The following CHRM3 variants were observed in gnomAD, a reference collection of about 807,000 sequenced individuals.
CHRM3 encodes cholinergic receptor muscarinic 3, also known as muscarinic acetylcholine receptor M3.
In CHRM3, 11 loss-of-function variants were observed where a neutral mutation model predicts 41.8. That is an observed-to-expected ratio of 0.26 (90% CI 0.17 to 0.44). The LOEUF is 0.44. Ranked by LOEUF, CHRM3 falls within the 20% of genes least tolerant of loss-of-function variation. The pLI is 1.00. For synonymous variants in CHRM3, 297 were observed against 301.4 expected, an observed-to-expected ratio of 0.99 and a Z score of 0.15; for missense variants, 571 against 745.4, an observed-to-expected ratio of 0.77 and a Z score of 2.72.
chr1:239,584,725 A>T (rs1663243232), intron 3 of CHRM3, among the ~76,000 whole-genome samples: 1 of 152,098 alleles, frequency 6.6e-6, no homozygotes, highest in African/African-American at 2.4e-5. Flanking sequence ...TAGAGTCCAG[A>T]TTTAGCCCCC....
intron 1 of CHRM3, among the ~76,000 whole-genome samples, chr1:239,475,800 G>A (rs1158164377): frequency 1.3e-5 from 2 of 152,076 alleles, no homozygotes. Context: ...TATGTTATTA[G>A]TAACAAGTTC....
At chr1:239,709,447 C>T (rs75999137) in intron 5 of CHRM3, among the ~76,000 whole-genome samples, 6,170 of 152,210 alleles carry the variant, frequency 0.041, 475 homozygotes, top group African/African-American at 0.14. Flanking sequence ...GCCAATGTTA[C>T]CTTATAAATT....
intron 1 of CHRM3, among the ~76,000 whole-genome samples, chr1:239,429,817 A>T (rs1572267623): frequency 7.0e-6 from 1 of 142,432 alleles, no homozygotes; most frequent in Non-Finnish European, 1.5e-5. Context: ...CTAACATCTC[A>T]TTAGTAATTC....
At chr1:239,413,364 G>T (rs993725484) in intron 1 of CHRM3, among the ~76,000 whole-genome samples, 1 of 152,048 alleles carries the variant, frequency 6.6e-6, no homozygotes, top group Non-Finnish European at 1.5e-5. Flanking sequence ...ATCTTAGCTC[G>T]CTGCAACCTC....
In CHRM3 at chr1:239,547,367, G is replaced by T. The variant is rs190523833; in HGVS notation, c.-313+1618G>T. ...AAAAGAGATCTATCTGATTGCATAG[G>T]CTTGTTGTATGGATTACATGAGTTA... On this transcript the variant is annotated intron_variant, in intron 3 of 6. Transcript: ENST00000676153. 5.3e-5 allele frequency among the ~76,000 whole-genome samples: 8 copies of T among 152,254 alleles called. No homozygotes were observed. The East Asian group carries it at 1.5e-3, about 29-fold the overall frequency.
intron 6 of CHRM3, among the ~76,000 whole-genome samples, chr1:239,833,256 T>C (rs1673040847): frequency 6.6e-6 from 1 of 152,174 alleles, no homozygotes; most frequent in South Asian, 2.1e-4. Context: ...CAAGTTTATA[T>C]ACTTCAACTC....
At chr1:239,471,112 G>T (rs554747795) in intron 1 of CHRM3, among the ~76,000 whole-genome samples, 3 of 152,118 alleles carry the variant, frequency 2.0e-5, no homozygotes. Context: ...CTCTTAAATA[G>T]TTCTAAGAAA....
At chr1:239,843,447 CTTTTTTTTTTTTTT>C (rs34901177) in intron 6 of CHRM3, among the ~76,000 whole-genome samples, 1 of 81,226 alleles carries the variant, frequency 1.2e-5, no homozygotes, top group Non-Finnish European at 2.3e-5. Context: ...ACTCGCTTTC[CTTTTTTTTTTTTTT>C]TTTTTTTTTG....
chr1:239,872,425 G>A (rs957596043), intron 6 of CHRM3, among the ~76,000 whole-genome samples: 1 of 152,104 alleles, frequency 6.6e-6, no homozygotes, highest in Non-Finnish European at 1.5e-5. Context: ...CCAGAAAGAG[G>A]AGTAGCTATC....
chr1:239,718,702 A>G (rs575299751), intron 5 of CHRM3: 1 of 152,108 alleles, frequency 6.6e-6, no homozygotes, highest in African/African-American at 2.4e-5. Flanking sequence ...GATTGAAGAA[A>G]ACACAAGGAA....
At chr1:239,400,579 T>A (rs1659883387) in intron 1 of CHRM3, among the ~76,000 whole-genome samples, 1 of 152,206 alleles carries the variant, frequency 6.6e-6, no homozygotes, top group Non-Finnish European at 1.5e-5. Flanking sequence ...GGTTTCAGAG[T>A]TTTGGGCCTT....
rs58433814 is a variant in CHRM3, at chr1:239,531,639, A to ATTTTTTTTTTT, written c.-421-13975_-421-13965dup. Among the ~76,000 whole-genome samples the ATTTTTTTTTTT allele has an allele frequency of 2.1e-4, 12 of 55,900 alleles. 3 individuals carry two copies. The highest frequency in any genetic ancestry group is 7.1e-4 in the African/African-American group (8 of 11,330). The allele number at this position is 55,900 out of a possible 152,430, so 36.7% of individuals were successfully genotyped here. ...ATAAAAACTAATCTCTCTAGAATGG[A>ATTTTTTTTTTT]TTTTTTTTTTTTTTTTTTTTTTTTT... On this transcript the variant is annotated intron_variant, in intron 2 of 6. Coordinates refer to ENST00000676153, the MANE Select transcript of CHRM3 (RefSeq NM_001375978.1).
intron 1 of CHRM3, among the ~76,000 whole-genome samples, chr1:239,439,616 A>G (rs1168597094): frequency 6.6e-6 from 1 of 152,216 alleles, no homozygotes; most frequent in African/African-American, 2.4e-5. Context: ...AAAGCAATCA[A>G]CCAATCTACT....
At chr1:239,413,567 C>A (rs139654960) in intron 1 of CHRM3, among the ~76,000 whole-genome samples, 1 of 152,138 alleles carries the variant, frequency 6.6e-6, no homozygotes, top group Non-Finnish European at 1.5e-5. Context: ...GGATTACAGG[C>A]GTGAGCCACC....
intron 1 of CHRM3, among the ~76,000 whole-genome samples, chr1:239,482,779 T>C (rs1287040798): frequency 6.6e-6 from 1 of 152,234 alleles, no homozygotes; most frequent in Non-Finnish European, 1.5e-5. Flanking sequence ...GTACCTAGCT[T>C]AGTGGCTAGA....
intron 2 of CHRM3, among the ~76,000 whole-genome samples, chr1:239,502,184 A>T (rs947062209): frequency 1.3e-5 from 2 of 152,228 alleles, no homozygotes; most frequent in African/African-American, 2.4e-5. Flanking sequence ...ATAGACAATT[A>T]TCAAGATTAA....
chr1:239,597,008 A>G (rs963850401), intron 3 of CHRM3, among the ~76,000 whole-genome samples: 1 of 152,128 alleles, frequency 6.6e-6, no homozygotes, highest in African/African-American at 2.4e-5. Flanking sequence ...TCTTTTTGTG[A>G]TTTTCTGAAT....
At chr1:239,617,995 G>GC (rs764298772) in intron 3 of CHRM3, among the ~76,000 whole-genome samples, 11 of 152,054 alleles carry the variant, frequency 7.2e-5, no homozygotes, top group Non-Finnish European at 1.5e-4. Context: ...TATCTTAGCA[G>GC]CATTCATCAG....
intron 1 of CHRM3, among the ~76,000 whole-genome samples, chr1:239,457,606 T>C (rs1490036788): frequency 1.3e-5 from 2 of 152,156 alleles, no homozygotes; most frequent in African/African-American, 4.8e-5. Context: ...AGTTCCATAG[T>C]GTGCACTAAG....
Sources: gnomAD v4.1 joint callset for allele counts (sites outside exome capture counted in the v4.1 genomes callset) on GRCh38, gnomAD v4.1.1 for gene constraint, MANE v1.5 for transcripts, NCBI Gene and HGNC (gene_info 2026-07-23, HGNC 2026-07-21) for gene names.